CDH6: variants seen among roughly 807,000 people sequenced by gnomAD.
CDH6 encodes cadherin-6.
CDH6 carries 31 observed loss-of-function variants against 78.0 expected under a neutral mutation model. The observed-to-expected ratio is 0.40, with a 90% CI of 0.30 to 0.54. CDH6 has a LOEUF of 0.54. CDH6 is among the 20% of genes least tolerant of loss of function. CDH6 has a pLI of 0.56. For synonymous variants in CDH6, 376 were observed against 368.8 expected, an observed-to-expected ratio of 1.02 and a Z score of -0.23; for missense variants, 724 against 975.9, an observed-to-expected ratio of 0.74 and a Z score of 3.44.
intron 1 of CDH6, among the ~76,000 whole-genome samples, chr5:31,198,271 A>G (rs924784889): frequency 2.0e-5 from 3 of 152,198 alleles, no homozygotes; most frequent in African/African-American, 7.2e-5. Context: ...TCTGTTTAAT[A>G]TCTTTACACT....
intron 2 of CDH6, among the ~76,000 whole-genome samples, chr5:31,284,935 A>G (rs770071374): frequency 2.6e-5 from 4 of 152,332 alleles, no homozygotes; most frequent in Non-Finnish European, 5.9e-5. Flanking sequence ...AAGCAGGAGG[A>G]GAAAGAAACC....
intron 1 of CDH6, among the ~76,000 whole-genome samples, chr5:31,205,041 C>T (rs1740476404): frequency 6.6e-6 from 1 of 152,078 alleles, no homozygotes; most frequent in South Asian, 2.1e-4. Flanking sequence ...TAGATAAATC[C>T]AGGTTGGGGG....
rs2149947680 is a variant in CDH6 at position 31,294,135 on chromosome 5, G to A, written c.402G>A (p.Arg134=). The A allele has an allele frequency of 6.2e-7, 1 of 1,613,834 alleles. No homozygotes were observed. The highest frequency in any genetic ancestry group is 8.5e-7 in the Non-Finnish European group (1 of 1,179,938). Residue 134 remains arginine (R), a synonymous_variant, in exon 3 of 12, where the codon AGG becomes AGA. Coordinates refer to ENST00000265071, the MANE Select transcript of CDH6 (RefSeq NM_004932.4). This position sits in a 1 kb window ranked among gnomAD's most constrained non-coding sequence, Gnocchi z 4.1. ...TTCGAGCTCAAGCTATAAACAGAAG[G>A]ACAGGGAGACCCGTGGAGCCCGAGT... ...YILRAQAINR[R]TGRPVEPESE...
At chr5:31,289,755 C>T (rs1743105676) in intron 2 of CDH6, among the ~76,000 whole-genome samples, 1 of 152,096 alleles carries the variant, frequency 6.6e-6, no homozygotes, top group Non-Finnish European at 1.5e-5. Flanking sequence ...CATTAGCTGG[C>T]TTCATAGACG....
At chr5:31,283,028 AAGAG>A (rs948566737) in intron 2 of CDH6, among the ~76,000 whole-genome samples, 3 of 152,130 alleles carry the variant, frequency 2.0e-5, no homozygotes, top group Admixed American at 2.0e-4. Context: ...TGGAAGGAAA[AAGAG>A]AGAGAGACAG....
intron 1 of CDH6, among the ~76,000 whole-genome samples, chr5:31,221,332 C>A (rs116574019): frequency 6.6e-6 from 1 of 152,066 alleles, no homozygotes; most frequent in Non-Finnish European, 1.5e-5. Context: ...AACCAGAAAC[C>A]CTTTATTGGT....
In CDH6 at chr5:31,317,846, G is replaced by T; in HGVS notation, c.1804G>T (p.Ala602Ser). 6.2e-7 allele frequency: 1 copy of T among 1,614,088 alleles called. No homozygotes were observed. The highest frequency in any genetic ancestry group is 8.5e-7 in the Non-Finnish European group (1 of 1,179,976). The change falls in exon 11 of 12, where the codon GCG (alanine) becomes TCG (serine). Residue 602 changes from alanine to serine, a missense_variant. Coordinates refer to ENST00000265071, the MANE Select transcript of CDH6 (RefSeq NM_004932.4). ...CCACGGGAACATGCAATCCTGCCAT[G>T]CGGAGGCGCTCATCCACCCCACGGG... ...DHHGNMQSCH[A>S]EALIHPTGLS...
chr5:31,241,437 C>T (rs576585623), intron 1 of CDH6, among the ~76,000 whole-genome samples: 12 of 152,362 alleles, frequency 7.9e-5, no homozygotes, highest in Admixed American at 3.3e-4. Flanking sequence ...GCCAGGCTCT[C>T]GTCTGAAGTG....
At chr5:31,205,687 A>G (rs1407911628) in intron 1 of CDH6, among the ~76,000 whole-genome samples, 1 of 152,134 alleles carries the variant, frequency 6.6e-6, no homozygotes, top group Non-Finnish European at 1.5e-5. Flanking sequence ...GTGACCATGT[A>G]TTTTCTATCA....
chr5:31,247,048 G>A (rs896873546), intron 1 of CDH6, among the ~76,000 whole-genome samples: 2 of 152,164 alleles, frequency 1.3e-5, no homozygotes, highest in Non-Finnish European at 2.9e-5. Context: ...ACCGCACCCG[G>A]CCTAAAGACT....
chr5:31,249,383 C>T (rs2149923565), intron 1 of CDH6: 1 of 152,290 alleles, frequency 6.6e-6, no homozygotes, highest in East Asian at 1.9e-4. Flanking sequence ...TAATTTTCCC[C>T]TCACATGTCA....
Position 31,267,592 on chromosome 5 carries a change from T to C in CDH6, c.119T>C (p.Leu40Pro), listed in dbSNP as rs768577996. 73 of 1,613,858 alleles carry C rather than the reference T, an allele frequency of 4.5e-5. No homozygotes were observed. The highest frequency in any genetic ancestry group is 6.1e-5 in the Non-Finnish European group (72 of 1,180,016). ...CCAGCAAAGAAAAGGGCCCTGGAGC[T>C]CTCTGGAAACAGCAAAAATGAGCTG... ...GFPAKKRALE[L>P]SGNSKNELNR... Residue 40 changes from leucine to proline, a missense_variant, in exon 2 of 12, where the codon CTC becomes CCC. By Grantham distance (98) the Leu-to-Pro change is moderately conservative (BLOSUM62 -3). Around this residue, in one of 3 missense-constraint regions of CDH6, gnomAD observed 58 missense variants for 50.8 expected, o/e 1.14. Coordinates refer to ENST00000265071, the MANE Select transcript of CDH6 (RefSeq NM_004932.4).
intron 6 of CDH6, among the ~76,000 whole-genome samples, chr5:31,302,904 A>AAAGAAAGAAAGAAAG (rs1737843736): frequency 3.0e-5 from 1 of 33,154 alleles, no homozygotes; most frequent in African/African-American, 1.4e-4. Flanking sequence ...AGAAAGAAAA[A>AAAGAAAGAAAGAAAG]AAGAAAGAAA....
intron 1 of CDH6, among the ~76,000 whole-genome samples, chr5:31,210,958 A>T (rs1200852817): frequency 1.3e-5 from 2 of 152,204 alleles, no homozygotes; most frequent in Non-Finnish European, 2.9e-5. Context: ...GAGGTAATAG[A>T]TAACAAGACC....
At chr5:31,310,740 T>G (rs1423892829) in intron 7 of CDH6, among the ~76,000 whole-genome samples, 1 of 152,206 alleles carries the variant, frequency 6.6e-6, no homozygotes, top group Admixed American at 6.5e-5. Context: ...CACCAAGCCT[T>G]GGGTCTTGCA....
Position 31,322,931 on chromosome 5 carries a change from G to A in CDH6, c.1996G>A (p.Glu666Lys). 6.2e-7 allele frequency: 1 copy of A among 1,614,162 alleles called. No homozygotes were observed. The highest frequency in any genetic ancestry group is 8.5e-7 in the Non-Finnish European group (1 of 1,180,010). Residue 666 changes from glutamate to lysine, a missense_variant, in exon 12 of 12, where the codon GAG becomes AAG. Glu to Lys is a moderately conservative substitution (Grantham distance 56, BLOSUM62 1). Around this residue, in one of 3 missense-constraint regions of CDH6, gnomAD observed 220 missense variants for 240.6 expected, o/e 0.91. Coordinates refer to ENST00000265071, the MANE Select transcript of CDH6 (RefSeq NM_004932.4). ...IVSYNDEGGG[E>K]EDTQAFDIGT... Reference sequence around the variant, plus strand: ...CAGTTACAACGACGAAGGTGGTGGAGAGGAGGACACCCAGGCTTTTGATAT... The same window carrying A: ...CAGTTACAACGACGAAGGTGGTGGAAAGGAGGACACCCAGGCTTTTGATAT...
chr5:31,243,195 G>T (rs990576177), intron 1 of CDH6, among the ~76,000 whole-genome samples: 2 of 152,150 alleles, frequency 1.3e-5, no homozygotes, highest in African/African-American at 2.4e-5. Flanking sequence ...GTCTGATTTT[G>T]TAATTAGCCA....
chr5:31,213,553 A>G (rs895202495), intron 1 of CDH6, among the ~76,000 whole-genome samples: 1 of 152,200 alleles, frequency 6.6e-6, no homozygotes, highest in Non-Finnish European at 1.5e-5. Context: ...CTGCTGCTTA[A>G]ACAGGTTTAT....
At chr5:31,321,875 CT>C (rs1268272090) in intron 11 of CDH6, among the ~76,000 whole-genome samples, 6 of 152,106 alleles carry the variant, frequency 3.9e-5, no homozygotes, top group African/African-American at 1.4e-4. Flanking sequence ...TCTCTCTAAG[CT>C]TTTACTGTGT....
Sources: allele counts gnomAD v4.1 joint callset (sites outside exome capture counted in the v4.1 genomes callset), GRCh38; gene constraint gnomAD v4.1.1; regional missense constraint gnomAD v4.1.1; non-coding constraint Gnocchi (gnomAD v3.1); transcripts MANE v1.5; gene names NCBI Gene and HGNC (gene_info 2026-07-23, HGNC 2026-07-21).